CELF2: variants seen among roughly 807,000 people sequenced by gnomAD.
The protein encoded by CELF2 is CUGBP Elav-like family member 2.
Under a neutral mutation model 62.6 loss-of-function variants are expected in CELF2, and 8 were observed. The observed-to-expected ratio is 0.13, with a 90% CI of 0.07 to 0.23. The LOEUF (loss-of-function observed/expected upper bound fraction) is 0.23, where lower values mean the gene tolerates loss of function less well. CELF2 is among the 10% of genes least tolerant of loss of function. CELF2 has a pLI of 1.00. For synonymous variants in CELF2, 258 were observed against 250.0 expected (o/e 1.03, Z -0.30); for missense variants, 333 against 671.0 (o/e 0.50, Z 5.56).
chr10:10,594,904 G>A, the CELF2 span, among the ~76,000 whole-genome samples: 1 of 152,034 alleles, frequency 6.6e-6, no homozygotes, highest in Non-Finnish European at 1.5e-5. Flanking sequence ...AGGACTCTGG[G>A]GTCACTAGAA....
chr10:11,149,258 A>T (rs987715659), intron 1 of CELF2, among the ~76,000 whole-genome samples: 3 of 152,146 alleles, frequency 2.0e-5, no homozygotes, highest in Admixed American at 1.3e-4. Context: ...TTTAGTGGAG[A>T]CAGGGTTTTG....
the CELF2 span, among the ~76,000 whole-genome samples, chr10:10,502,666 TTGTC>T: frequency 3.3e-5 from 5 of 151,996 alleles, no homozygotes; most frequent in East Asian, 7.7e-4. Context: ...CTTTTTTTCT[TTGTC>T]AGTCTTGCTA....
chr10:11,301,283 A>G (rs1278029448), intron 9 of CELF2, among the ~76,000 whole-genome samples: 1 of 151,598 alleles, frequency 6.6e-6, no homozygotes, highest in Non-Finnish European at 1.5e-5. Flanking sequence ...CCCCAAATCA[A>G]GAGTCTTGTT....
At chr10:11,216,115 G>A (rs759777976) in intron 2 of CELF2, among the ~76,000 whole-genome samples, 31 of 152,292 alleles carry the variant, frequency 2.0e-4, no homozygotes, top group Non-Finnish European at 2.9e-4. Context: ...CTTTGGATGC[G>A]TGGAGTTTTT....
At chr10:10,923,598 A>G (rs2065128398) in intron 2 of CELF2, among the ~76,000 whole-genome samples, 1 of 152,208 alleles carries the variant, frequency 6.6e-6, no homozygotes, top group African/African-American at 2.4e-5. Flanking sequence ...TGATAACCTA[A>G]ATGTGTTTTT....
In CELF2 at chr10:10,874,393, C is replaced by T. The variant is rs570065986; in HGVS notation, c.54-45571C>T. ...AAGAAAGAAAATAAAAAAGAAAGAA[C>T]GCACTGTATTAATAATGCACTTTAC... is the stretch of plus-strand genomic sequence containing the variant. On this transcript the variant is annotated intron_variant, in intron 1 of 13. Transcript: ENST00000636488. Among the ~76,000 whole-genome samples the T allele has an allele frequency of 1.0e-3, 154 of 150,224 alleles. 3 individuals carry two copies. In the South Asian group the frequency reaches 0.028, roughly 28 times the overall value.
At chr10:11,144,307 C>G (rs1023747241) in intron 1 of CELF2, among the ~76,000 whole-genome samples, 1 of 152,086 alleles carries the variant, frequency 6.6e-6, no homozygotes, top group African/African-American at 2.4e-5. Context: ...GCAAAATACA[C>G]AAATAGTAGT....
chr10:11,003,669 G>A (rs948028615), upstream of CELF2, among the ~76,000 whole-genome samples: 9 of 152,116 alleles, frequency 5.9e-5, no homozygotes, highest in African/African-American at 2.2e-4. This position sits in a 1 kb window ranked among gnomAD's most constrained non-coding sequence, Gnocchi z 4.4. Context: ...GTCACAAGGC[G>A]AATGGGCTCA....
chr10:10,725,434 G>A, the CELF2 span, among the ~76,000 whole-genome samples: 383 of 152,284 alleles, frequency 2.5e-3, no homozygotes, highest in Middle Eastern at 6.8e-3. Context: ...GAACAAAAAA[G>A]ATTTCTTCAT....
At chr10:10,801,060 G>A (rs908656446) in intron 1 of CELF2, among the ~76,000 whole-genome samples, 2 of 120,202 alleles carry the variant, frequency 1.7e-5, no homozygotes, top group African/African-American at 6.7e-5. Context: ...ATGATCTCAA[G>A]TCTTAACCCG....
Position 11,311,604 on chromosome 10 carries a change from A to G in CELF2, c.977-2535A>G, listed in dbSNP as rs1249114044. Among the ~76,000 whole-genome samples, 1 of 152,240 alleles carries G rather than the reference A, an allele frequency of 6.6e-6. No individual in the cohort carries two copies. Among genetic ancestry groups the G allele is most frequent in the Non-Finnish European group, 1.5e-5 (1 of 68,034 alleles). On this transcript the variant is annotated intron_variant, in intron 9 of 12. Coordinates refer to ENST00000633077, the MANE Select transcript of CELF2 (RefSeq NM_001326342.2). The surrounding 1 kb of genome is among the most constrained non-coding windows in gnomAD (Gnocchi z 4.7). ...GTTTACATATTAAAAGAATTTGAAA[A>G]GCGAAAAAGCCACTGATTATGAAAA...
At chr10:10,578,390 CT>C in the CELF2 span, among the ~76,000 whole-genome samples, 1 of 152,136 alleles carries the variant, frequency 6.6e-6, no homozygotes, top group East Asian at 1.9e-4. Context: ...TCAATTTTGG[CT>C]TTTGTTGCCA....
the CELF2 span, among the ~76,000 whole-genome samples, chr10:10,770,325 C>G: frequency 3.7e-3 from 556 of 152,078 alleles, 1 homozygote; most frequent in Middle Eastern, 6.8e-3. Flanking sequence ...GAGCGAGACT[C>G]CATCTCAATC....
chr10:10,515,485 A>G, the CELF2 span, among the ~76,000 whole-genome samples: 1 of 152,188 alleles, frequency 6.6e-6, no homozygotes, highest in African/African-American at 2.4e-5. Context: ...ATAAGGAAAA[A>G]CAAACAAGAT....
chr10:10,697,303 G>C, the CELF2 span, among the ~76,000 whole-genome samples: 1 of 152,170 alleles, frequency 6.6e-6, no homozygotes. Context: ...AATGGAGAAT[G>C]AGTGATACAT....
chr10:11,251,804 A>G (rs2653520), intron 4 of CELF2, among the ~76,000 whole-genome samples: 151,139 of 152,332 alleles, frequency 0.99, 74,982 homozygotes, highest in Middle Eastern at 1. Context: ...CCCGGCACGT[A>G]GCAAGTATCC....
At chr10:11,249,226 TTA>T in intron 4 of CELF2, 25 bp downstream of exon 4, 1 of 1,578,640 alleles carries the variant, frequency 6.3e-7, no homozygotes, top group Non-Finnish European at 8.7e-7. Flanking sequence ...ACTGTCTTGC[TTA>T]ATAATAATAT....
At chr10:10,724,222 C>G in the CELF2 span, among the ~76,000 whole-genome samples, 1 of 152,124 alleles carries the variant, frequency 6.6e-6, no homozygotes, top group Non-Finnish European at 1.5e-5. Context: ...TGTCCTGGAG[C>G]CTTCTCTTCT....
At chr10:10,659,570 A>T in the CELF2 span, among the ~76,000 whole-genome samples, 1 of 152,106 alleles carries the variant, frequency 6.6e-6, no homozygotes, top group Non-Finnish European at 1.5e-5. Flanking sequence ...TGAATTTTCT[A>T]GTTCATACCT....
Sources: gnomAD v4.1 joint callset for allele counts (sites outside exome capture counted in the v4.1 genomes callset) on GRCh38, gnomAD v4.1.1 for gene constraint, Gnocchi (gnomAD v3.1) non-coding constraint, MANE v1.5 for transcripts, NCBI Gene and HGNC (gene_info 2026-07-23, HGNC 2026-07-21) for gene names.